Variants in PDE4A observed in about 807,000 individuals in gnomAD.
The protein encoded by PDE4A is 3',5'-cyclic-AMP phosphodiesterase 4A.
A neutral mutation model predicts 73.9 loss-of-function variants in PDE4A; 21 were observed. The observed-to-expected ratio is 0.28, with a 90% CI of 0.20 to 0.41. PDE4A has a LOEUF of 0.41. Ranked by LOEUF, PDE4A falls within the 10% of genes least tolerant of loss-of-function variation. The pLI is 1.00. For missense variants in PDE4A, 958 were observed against 1,211.4 expected (o/e 0.79, Z 3.10); for synonymous variants, 463 against 505.4 (o/e 0.92, Z 1.13).
In PDE4A at chr19:10,467,507, A is replaced by G. The variant is rs764907740; in HGVS notation, c.2547A>G (p.Gln849=). 3 of 1,612,722 alleles carry G rather than the reference A, an allele frequency of 1.9e-6. No homozygotes were observed. Among genetic ancestry groups the G allele is most frequent in the Non-Finnish European group, 2.5e-6 (3 of 1,179,758 alleles). Residue 849 remains glutamine (Q), a synonymous_variant, in exon 15 of 15, where the codon CAA becomes CAG. Transcript: ENST00000380702. Reference sequence around the variant, plus strand: ...CCACGGCGGCCGAGGTGGAGGCCCAACGAGAGCACCAGGCTGCCAAGAGGG... The same window carrying G: ...CCACGGCGGCCGAGGTGGAGGCCCAGCGAGAGCACCAGGCTGCCAAGAGGG... ...LPSTAAEVEA[Q]REHQAAKRAC...
In PDE4A at chr19:10,428,751, C is replaced by T. The variant is rs545662093; in HGVS notation, c.320+7667C>T. ...TGGCTAAGAAGTGCCAGAGGCCACA[C>T]GCAAGCCCAGGCTTCCTCACTCTGG... is the stretch of plus-strand genomic sequence containing the variant. On this transcript the variant is annotated intron_variant, in intron 1 of 14. Coordinates refer to ENST00000380702, the MANE Select transcript of PDE4A (RefSeq NM_001111307.2). The T allele has an allele frequency of 3.4e-3, 3,346 of 983,924 alleles. 6 individuals carry two copies. Among genetic ancestry groups the T allele is most frequent in the Non-Finnish European group, 3.8e-3 (3,161 of 828,578 alleles). The allele number at this position is 983,924 out of a possible 1,614,324, so 60.9% of individuals were successfully genotyped here.
Position 10,467,327 on chromosome 19 carries a change from A to G in PDE4A, c.2367A>G (p.Ala789=). ...LTQQAQSTGS[A]PVAPDEFSSR... ...AGCAGGCACAGTCCACAGGCAGTGCACCTGTGGCTCCGGATGAGTTCTCGT... is the reference window on the plus strand; with the variant it reads ...AGCAGGCACAGTCCACAGGCAGTGCGCCTGTGGCTCCGGATGAGTTCTCGT... Residue 789 remains alanine, a synonymous_variant, in exon 15 of 15, where the codon GCA becomes GCG. Transcript: ENST00000380702. The G allele has an allele frequency of 1.9e-6, 3 of 1,614,134 alleles. No homozygotes were observed. Among genetic ancestry groups the G allele is most frequent in the East Asian group, 4.5e-5 (2 of 44,872 alleles).
At position 10,469,381 on chromosome 19, in the gene PDE4A, CTGT is replaced by C. The variant is rs943931990; in HGVS notation, c.*1765_*1767del. On this transcript the variant is annotated 3_prime_UTR_variant, in exon 15 of 15. Transcript: ENST00000380702. ...TCCTGGGAAAAGGGTGGACTCACCG[CTGT>C]TGTTTTATGGGAAGTCGTGTCATCC... 2.0e-5 allele frequency: 3 copies of C among 152,284 alleles called. No homozygotes were observed. The highest frequency in any genetic ancestry group is 4.8e-5 in the African/African-American group (2 of 41,408). 9.4% of individuals were successfully genotyped at this position (152,284 alleles called of 1,614,324 possible).
Position 10,461,903 on chromosome 19 carries a change from C to T in PDE4A, c.1647C>T (p.His549=), listed in dbSNP as rs201991101. The change falls in exon 13 of 15, where the codon CAC becomes CAT. Residue 549 remains histidine, a synonymous_variant. Transcript: ENST00000380702. ...DMVLATDMSK[H]MTLLADLKTM... ...TGCTGGCCACGGACATGTCCAAGCA[C>T]ATGACCCTCCTGGCTGACCTGAAGA... 1.2e-6 allele frequency: 2 copies of T among 1,614,070 alleles called. No homozygotes were observed. Among genetic ancestry groups the T allele is most frequent in the Non-Finnish European group, 1.7e-6 (2 of 1,180,002 alleles).
upstream of PDE4A, chr19:10,418,792 C>CA: frequency 2.0e-6 from 2 of 985,362 alleles, no homozygotes; most frequent in Non-Finnish European, 2.4e-6. Flanking sequence ...ACCAACGTTA[C>CA]AGCATACCCC....
chr19:10,451,500 G>T (rs1365136990), intron 6 of PDE4A, among the ~76,000 whole-genome samples: 1 of 152,134 alleles, frequency 6.6e-6, no homozygotes, highest in African/African-American at 2.4e-5. Context: ...CAGCGCTGGG[G>T]TGTTGGGAAT....
chr19:10,452,863 A>T, intron 6 of PDE4A: 2 of 499,070 alleles, frequency 4.0e-6, no homozygotes, highest in Non-Finnish European at 5.3e-6. Flanking sequence ...TGCCCCTTTA[A>T]TACCCCCCCA....
At chr19:10,460,405 A>G (rs946870135) in intron 10 of PDE4A, among the ~76,000 whole-genome samples, 8 of 151,814 alleles carry the variant, frequency 5.3e-5, no homozygotes, top group African/African-American at 1.5e-4. Flanking sequence ...AGGCTGAGGC[A>G]GGAGAATCGC....
At chr19:10,451,446 G>A (rs2569760) in intron 6 of PDE4A, among the ~76,000 whole-genome samples, 1 of 152,114 alleles carries the variant, frequency 6.6e-6, no homozygotes, top group Non-Finnish European at 1.5e-5. Flanking sequence ...GTGTATCTGC[G>A]GCTATAGGTC....
chr19:10,458,229 C>A lies in PDE4A; in HGVS notation c.1101+127C>A. 1 of 862,614 alleles carries A rather than the reference C, an allele frequency of 1.2e-6. No homozygotes were observed. The highest frequency in any genetic ancestry group is 1.8e-6 in the Non-Finnish European group (1 of 558,430). The allele number at this position is 862,614 out of a possible 1,614,324, so 53.4% of individuals were successfully genotyped here. A position where few individuals can be genotyped will look rare whatever the true frequency, so the allele number is the denominator to read the frequency against. ...GCAGAGCTTGAGATGAGGGTTTGAG[C>A]CCATCTTGAGGCAAGCATGCTGGCT... On this transcript the variant is annotated intron_variant, in intron 8 of 14. Coordinates refer to ENST00000380702, the MANE Select transcript of PDE4A (RefSeq NM_001111307.2). The surrounding 1 kb of genome is among the most constrained non-coding windows in gnomAD (Gnocchi z 4.6).
intron 1 of PDE4A, among the ~76,000 whole-genome samples, chr19:10,426,460 C>G (rs553902801): frequency 3.3e-5 from 5 of 152,180 alleles, no homozygotes; most frequent in African/African-American, 9.6e-5. Context: ...TTATGTGTGG[C>G]CCAAGACAAT....
At chr19:10,432,407 C>T (rs1057378551) in intron 1 of PDE4A, 2 of 1,381,248 alleles carry the variant, frequency 1.4e-6, no homozygotes, top group East Asian at 3.1e-5. Flanking sequence ...CGTCCCCATG[C>T]GCGCCCCGAC....
At chr19:10,462,241 GC>G (rs1348927900) in intron 13 of PDE4A, among the ~76,000 whole-genome samples, 1 of 149,324 alleles carries the variant, frequency 6.7e-6, no homozygotes, top group Non-Finnish European at 1.5e-5. Flanking sequence ...CCCGCCTCCC[GC>G]CTCCCGGGTT....
chr19:10,453,206 G>C lies in PDE4A; in HGVS notation c.784-1623G>C, dbSNP rs199855247. The stretch of plus-strand genomic sequence containing the variant: ...CCCCTCCCCAGTGGTTGTTAACCCC[G>C]GGACTCCCCAAGCCCAGCCTCTGTG... On this transcript the variant is annotated intron_variant, in intron 6 of 14. Coordinates refer to ENST00000380702, the MANE Select transcript of PDE4A (RefSeq NM_001111307.2). The surrounding 1 kb of genome is among the most constrained non-coding windows in gnomAD (Gnocchi z 4.6). The C allele has an allele frequency of 1.5e-4, 228 of 1,555,162 alleles. No individual in the cohort carries two copies. The African/African-American group carries it at 2.7e-3, about 19-fold the overall frequency.
rs769665964 is a variant in PDE4A at position 10,459,441 on chromosome 19, C to T, written c.1143C>T (p.Cys381=). ...ACAAGTGGGGCCTGAACATCTTTTG[C>T]GTGTCGGATTACGCTGGAGGCCGCT... ...NLNKWGLNIF[C]VSDYAGGRSL... Residue 381 remains cysteine (C), a synonymous_variant, in exon 9 of 15, where the codon TGC becomes TGT. Transcript: ENST00000380702. 17 of 1,614,078 alleles carry T rather than the reference C, an allele frequency of 1.1e-5. No homozygotes were observed. Among genetic ancestry groups the T allele is most frequent in the South Asian group, 5.5e-5 (5 of 91,088 alleles).
chr19:10,450,229 C>T (rs11881227), intron 4 of PDE4A, among the ~76,000 whole-genome samples: 39,053 of 151,904 alleles, frequency 0.26, 5,645 homozygotes, highest in African/African-American at 0.38. Context: ...TTAATTGTTT[C>T]AGTGCAAGAG....
intron 7 of PDE4A, among the ~76,000 whole-genome samples, chr19:10,455,465 CAA>C (rs35368894): frequency 6.3e-4 from 74 of 117,100 alleles, no homozygotes; most frequent in East Asian, 1.7e-3. Flanking sequence ...ACTCTTGTCT[CAA>C]AAAAAAAAAA....
upstream of PDE4A, chr19:10,417,047 C>A: frequency 6.6e-7 from 1 of 1,525,070 alleles, no homozygotes; most frequent in Non-Finnish European, 8.8e-7. Context: ...GGGAGACTAG[C>A]GCCCTCTAGT....
chr19:10,453,439 G>A lies in PDE4A; in HGVS notation c.784-1390G>A, dbSNP rs1257648551. On this transcript the variant is annotated intron_variant, in intron 6 of 14. Coordinates refer to ENST00000380702, the MANE Select transcript of PDE4A (RefSeq NM_001111307.2). The surrounding 1 kb of genome is among the most constrained non-coding windows in gnomAD (Gnocchi z 4.6). The stretch of plus-strand genomic sequence containing the variant: ...GTGTGGCCTGGAGATGAAGCCTTGT[G>A]ACTGTCTCTGTGTGTGGCCCAGGGC... 30 of 1,326,382 alleles carry A rather than the reference G, an allele frequency of 2.3e-5. No homozygotes were observed. The highest frequency in any genetic ancestry group is 2.9e-5 in the Non-Finnish European group (29 of 988,036). The allele number at this position is 1,326,382 out of a possible 1,614,324, so 82.2% of individuals were successfully genotyped here. A position where few individuals can be genotyped will look rare whatever the true frequency, so the allele number is the denominator to read the frequency against.
Sources: allele counts gnomAD v4.1 joint callset (sites outside exome capture counted in the v4.1 genomes callset), GRCh38; gene constraint gnomAD v4.1.1; non-coding constraint Gnocchi (gnomAD v3.1); transcripts MANE v1.5; gene names NCBI Gene and HGNC (gene_info 2026-07-23, HGNC 2026-07-21).